HAUS6: variants seen among roughly 807,000 people sequenced by gnomAD.
HAUS6 encodes the protein HAUS augmin-like complex subunit 6.
Under a neutral mutation model 106.8 loss-of-function variants are expected in HAUS6, and 80 were observed. The ratio of observed to expected loss-of-function variants is 0.75; its 90% confidence interval spans 0.63 to 0.90. The LOEUF is 0.90. Ranked by LOEUF, HAUS6 falls within the 40% of genes least tolerant of loss-of-function variation. The probability of loss-of-function intolerance (pLI) is 0.00; values close to 1 mark genes in which losing one functional copy is unlikely to be tolerated. For missense variants in HAUS6, 1,155 were observed against 1,118.1 expected, an observed-to-expected ratio of 1.03 and a Z score of -0.47; for synonymous variants, 356 against 379.1, an observed-to-expected ratio of 0.94 and a Z score of 0.71.
intron 11 of HAUS6, among the ~76,000 whole-genome samples, chr9:19,073,143 T>C (rs1226306903): frequency 2.0e-5 from 3 of 151,952 alleles, no homozygotes; most frequent in Non-Finnish European, 2.9e-5. Context: ...GTAAGGAAGG[T>C]GAAGAAAGGT....
chr9:19,064,359 T>C (rs550499127), intron 12 of HAUS6, among the ~76,000 whole-genome samples: 2 of 152,354 alleles, frequency 1.3e-5, no homozygotes, highest in East Asian at 3.9e-4. Context: ...CATGTTACAG[T>C]TTCACAGTAA....
chr9:19,085,991 T>A lies in HAUS6; in HGVS notation c.699+743A>T, dbSNP rs936415064. Among the ~76,000 whole-genome samples, 235 of 145,822 alleles carry A rather than the reference T, an allele frequency of 1.6e-3. 1 individual carries two copies. The highest frequency in any genetic ancestry group is 0.011 in the Middle Eastern group (3 of 284). The stretch of plus-strand genomic sequence containing the variant: ...CTTTATATATACAACCTATGAGTTT[T>A]AAAAAAAAAAAAAGTAATAGTACTA... On this transcript the variant is annotated intron_variant, in intron 7 of 16. Coordinates refer to ENST00000380502, the MANE Select transcript of HAUS6 (RefSeq NM_017645.5).
intron 8 of HAUS6, among the ~76,000 whole-genome samples, chr9:19,081,975 T>C (rs1387837734): frequency 6.6e-6 from 1 of 152,180 alleles, no homozygotes; most frequent in Non-Finnish European, 1.5e-5. Context: ...AATAGATGCT[T>C]GATGAATTGT....
intron 3 of HAUS6, among the ~76,000 whole-genome samples, chr9:19,094,116 C>A (rs983420855): frequency 6.6e-6 from 1 of 152,174 alleles, no homozygotes; most frequent in African/African-American, 2.4e-5. Flanking sequence ...ATTTTCAGTA[C>A]ACCTGGCCAG....
chr9:19,069,788 A>G (rs1393267882), intron 12 of HAUS6, among the ~76,000 whole-genome samples: 1 of 151,904 alleles, frequency 6.6e-6, no homozygotes, highest in Non-Finnish European at 1.5e-5. Flanking sequence ...TAATATATAA[A>G]AAAATCAATA....
chr9:19,075,295 A>C (rs1420400896), intron 11 of HAUS6, among the ~76,000 whole-genome samples: 1 of 152,236 alleles, frequency 6.6e-6, no homozygotes, highest in Non-Finnish European at 1.5e-5. Flanking sequence ...AGTGATGAAA[A>C]TGTTTACAAT....
intron 16 of HAUS6, chr9:19,057,586 C>A: frequency 4.6e-6 from 1 of 218,400 alleles, no homozygotes; most frequent in East Asian, 9.8e-5. Context: ...TATTTCTACA[C>A]CCCACCCCCA....
chr9:19,100,339 C>A (rs1266908810), intron 1 of HAUS6, among the ~76,000 whole-genome samples: 1 of 152,144 alleles, frequency 6.6e-6, no homozygotes, highest in Non-Finnish European at 1.5e-5. Flanking sequence ...GCACTCCAGC[C>A]TGAGAGACAG....
intron 11 of HAUS6, among the ~76,000 whole-genome samples, chr9:19,072,284 G>C (rs926950292): frequency 5.9e-5 from 9 of 152,012 alleles, no homozygotes; most frequent in Admixed American, 2.6e-4. Context: ...AGGCCAAGGC[G>C]GGCAGATCAC....
intron 11 of HAUS6, among the ~76,000 whole-genome samples, chr9:19,072,596 T>C (rs540199165): frequency 1.3e-5 from 2 of 151,928 alleles, no homozygotes; most frequent in South Asian, 4.2e-4. Flanking sequence ...CGAGATTATA[T>C]CATGGAAGTC....
intron 12 of HAUS6, among the ~76,000 whole-genome samples, chr9:19,069,786 A>T (rs971054993): frequency 1.3e-5 from 2 of 152,080 alleles, no homozygotes; most frequent in African/African-American, 2.4e-5. Flanking sequence ...ATTAATATAT[A>T]AAAAAATCAA....
At chr9:19,071,264 T>C (rs1170796180) in intron 11 of HAUS6, among the ~76,000 whole-genome samples, 17 of 152,126 alleles carry the variant, frequency 1.1e-4, no homozygotes, top group Admixed American at 1.1e-3. Context: ...CAGTGAGTTA[T>C]AGGAGGTATC....
Position 19,058,817 on chromosome 9 carries a change from C to T in HAUS6, c.1950G>A (p.Gln650=), listed in dbSNP as rs746572908. ...TAACTTTCTCTTCAGTCAAATGAGACTGGCCAAAATCTGATACAGTGGTTT... is the reference window on the plus strand; with the variant it reads ...TAACTTTCTCTTCAGTCAAATGAGATTGGCCAAAATCTGATACAGTGGTTT... The part of the protein sequence containing the change: ...LLETTVSDFG[Q]SHLTEEKVIS... Residue 650 remains glutamine, a synonymous_variant, in exon 16 of 17, where the codon CAG becomes CAA. Transcript: ENST00000380502. 5.0e-6 allele frequency: 8 copies of T among 1,614,206 alleles called. No homozygotes were observed. The highest frequency in any genetic ancestry group is 6.8e-6 in the Non-Finnish European group (8 of 1,180,024).
At chr9:19,093,099 CG>C (rs1817789786) in intron 4 of HAUS6, 71 bp downstream of exon 4, 1 of 1,100,280 alleles carries the variant, frequency 9.1e-7, no homozygotes, top group African/African-American at 1.6e-5. Context: ...GATCTCTTCA[CG>C]ATTTAAAAAT....
In HAUS6 at chr9:19,080,685, G is replaced by C. The variant is rs776958718; in HGVS notation, c.871-13C>G. On this transcript the variant is annotated splice_polypyrimidine_tract_variant and intron_variant, in intron 8 of 16. Transcript: ENST00000380502. Reference sequence around the variant, plus strand: ...TTCCTATGTGCAACTAAGGAATCAGGAGGAGAAAAAAATTGGTGAACTATA... The same window carrying C: ...TTCCTATGTGCAACTAAGGAATCAGCAGGAGAAAAAAATTGGTGAACTATA... 32 of 1,549,460 alleles carry C rather than the reference G, an allele frequency of 2.1e-5. No homozygotes were observed. The highest frequency in any genetic ancestry group is 6.9e-5 in the African/African-American group (5 of 72,590).
At chr9:19,074,900 TA>T (rs1368057851) in intron 11 of HAUS6, among the ~76,000 whole-genome samples, 1 of 152,172 alleles carries the variant, frequency 6.6e-6, no homozygotes, top group South Asian at 2.1e-4. Flanking sequence ...TCTTTCATGT[TA>T]AAAAAAATTG....
At chr9:19,065,126 T>A (rs1352820790) in intron 12 of HAUS6, 1 of 152,228 alleles carries the variant, frequency 6.6e-6, no homozygotes, top group Non-Finnish European at 1.5e-5. Context: ...TGAATGATTC[T>A]TGTGGAACCT....
chr9:19,069,270 C>T, intron 12 of HAUS6, among the ~76,000 whole-genome samples: 1 of 152,186 alleles, frequency 6.6e-6, no homozygotes, highest in Admixed American at 6.5e-5. Flanking sequence ...AGATAATTTC[C>T]AAATAATCCC....
intron 11 of HAUS6, among the ~76,000 whole-genome samples, chr9:19,072,736 A>T (rs989793554): frequency 2.0e-5 from 3 of 152,188 alleles, no homozygotes; most frequent in African/African-American, 4.8e-5. Context: ...AACTAAGCAT[A>T]TACTTTGAGA....
Sources: allele counts gnomAD v4.1 joint callset (sites outside exome capture counted in the v4.1 genomes callset), GRCh38; gene constraint gnomAD v4.1.1; transcripts MANE v1.5; gene names NCBI Gene and HGNC (gene_info 2026-07-23, HGNC 2026-07-21).